Variants in LSAMP observed in about 807,000 individuals in gnomAD.
The protein encoded by LSAMP is limbic system associated membrane protein, also known as limbic system-associated membrane protein.
Under a neutral mutation model 38.6 loss-of-function variants are expected in LSAMP, and 7 were observed. That is an observed-to-expected ratio of 0.18 (90% CI 0.10 to 0.34). LSAMP has a LOEUF of 0.34. Among genes scored for constraint, LSAMP ranks in the 10% least tolerant of loss-of-function variants. LSAMP has a pLI of 1.00. For synonymous variants in LSAMP, 154 were observed against 166.8 expected, an observed-to-expected ratio of 0.92 and a Z score of 0.59; for missense variants, 313 against 420.0, an observed-to-expected ratio of 0.75 and a Z score of 2.23.
intron 1 of LSAMP, among the ~76,000 whole-genome samples, chr3:116,231,444 G>T (rs1300581270): frequency 1.3e-5 from 2 of 152,130 alleles, no homozygotes; most frequent in Non-Finnish European, 2.9e-5. Flanking sequence ...TAGCACAATG[G>T]CTAGGGATCT....
intron 2 of LSAMP, among the ~76,000 whole-genome samples, chr3:116,073,398 G>T (rs1483597725): frequency 3.3e-5 from 5 of 152,100 alleles, no homozygotes; most frequent in Admixed American, 6.5e-5. Flanking sequence ...GGCTATTTGG[G>T]CTCTTTTTTT....
intron 6 of LSAMP, among the ~76,000 whole-genome samples, chr3:115,821,147 C>A (rs1320458815): frequency 6.6e-6 from 1 of 152,112 alleles, no homozygotes; most frequent in Non-Finnish European, 1.5e-5. Flanking sequence ...CCCCTCCCTC[C>A]ATCCACATCT....
intron 1 of LSAMP, among the ~76,000 whole-genome samples, chr3:116,283,608 G>T (rs932020987): frequency 6.6e-6 from 1 of 152,072 alleles, no homozygotes; most frequent in African/African-American, 2.4e-5. Context: ...CTGGTCAAGG[G>T]CATAAGAGAA....
intron 1 of LSAMP, among the ~76,000 whole-genome samples, chr3:116,170,641 A>G (rs1002403156): frequency 3.3e-5 from 5 of 152,158 alleles, no homozygotes; most frequent in Non-Finnish European, 7.3e-5. Context: ...GGGTATAATA[A>G]CAACGATTTT....
At chr3:116,204,363 C>G (rs1197900374) in intron 1 of LSAMP, among the ~76,000 whole-genome samples, 1 of 152,110 alleles carries the variant, frequency 6.6e-6, no homozygotes, top group Non-Finnish European at 1.5e-5. Context: ...CCTGTTCACT[C>G]TGATGGTAGT....
intron 3 of LSAMP, among the ~76,000 whole-genome samples, chr3:115,964,969 G>C (rs1057507867): frequency 6.6e-6 from 1 of 151,948 alleles, no homozygotes; most frequent in African/African-American, 2.4e-5. Flanking sequence ...TTCTCAAATT[G>C]ACCAACAGAT....
chr3:116,096,708 A>G (rs1708233647), intron 1 of LSAMP, among the ~76,000 whole-genome samples: 1 of 152,220 alleles, frequency 6.6e-6, no homozygotes, highest in Admixed American at 6.5e-5. Context: ...GATAGCTGAA[A>G]TAGAGGCCCA....
intron 3 of LSAMP, among the ~76,000 whole-genome samples, chr3:115,894,399 C>A (rs1405247371): frequency 1.3e-5 from 2 of 151,982 alleles, no homozygotes; most frequent in African/African-American, 4.8e-5. Flanking sequence ...TGGCCCAAGA[C>A]CCTCGGTACT....
At chr3:116,103,482 A>AAAAAAAG (rs1559743506) in intron 1 of LSAMP, among the ~76,000 whole-genome samples, 2 of 150,166 alleles carry the variant, frequency 1.3e-5, no homozygotes, top group African/African-American at 4.9e-5. Context: ...AAAAAAAAAA[A>AAAAAAAG]AAAAAAGAAA....
intron 1 of LSAMP, among the ~76,000 whole-genome samples, chr3:116,163,538 G>A (rs956513277): frequency 4.6e-5 from 7 of 151,548 alleles, no homozygotes; most frequent in African/African-American, 9.7e-5. Context: ...ATAAACATAC[G>A]TGTGCATGTG....
intron 3 of LSAMP, among the ~76,000 whole-genome samples, chr3:115,886,019 G>C (rs1003144821): frequency 2.0e-5 from 3 of 151,944 alleles, no homozygotes; most frequent in African/African-American, 7.2e-5. Context: ...TATTGTTTGA[G>C]AGCACAGATT....
At chr3:116,156,809 T>A (rs756027468) in intron 1 of LSAMP, among the ~76,000 whole-genome samples, 3 of 151,938 alleles carry the variant, frequency 2.0e-5, no homozygotes, top group Non-Finnish European at 4.4e-5. Flanking sequence ...AAAAGAAGGC[T>A]CTGGAAAAAT....
At chr3:116,427,400 G>A (rs2049215984) in intron 1 of LSAMP, among the ~76,000 whole-genome samples, 2 of 152,084 alleles carry the variant, frequency 1.3e-5, no homozygotes, top group South Asian at 4.2e-4. Context: ...GATTACAGGC[G>A]TGAGCCACCG....
chr3:116,086,454 C>T lies in LSAMP; in HGVS notation c.258G>A (p.Leu86=), dbSNP rs1478510283. Residue 86 remains leucine, a synonymous_variant, in exon 2 of 7, where the codon CTG becomes CTA. Coordinates refer to ENST00000490035, the MANE Select transcript of LSAMP (RefSeq NM_002338.5). ...DKWSLDPRVE[L]EKRHSLEYSL... is the part of the protein sequence containing the mutation. ...TGTATTCCAGAGAATGGCGTTTCTCCAGCTCAACCCGTGGGTCCAGAGACC... is the reference window on the plus strand; with the variant it reads ...TGTATTCCAGAGAATGGCGTTTCTCTAGCTCAACCCGTGGGTCCAGAGACC... The T allele has an allele frequency of 6.2e-7, 1 of 1,613,980 alleles. No homozygotes were observed. The highest frequency in any genetic ancestry group is 1.3e-5 in the African/African-American group (1 of 74,896).
At chr3:115,952,488 G>A (rs776125970) in intron 3 of LSAMP, among the ~76,000 whole-genome samples, 1 of 152,204 alleles carries the variant, frequency 6.6e-6, no homozygotes, top group Non-Finnish European at 1.5e-5. Context: ...AATATCATAT[G>A]TACTCACTCA....
intron 1 of LSAMP, among the ~76,000 whole-genome samples, chr3:116,403,521 T>C (rs1330408758): frequency 6.6e-6 from 1 of 152,144 alleles, no homozygotes; most frequent in Admixed American, 6.5e-5. Context: ...GGTAGAAATT[T>C]AACAAATCTA....
intron 1 of LSAMP, among the ~76,000 whole-genome samples, chr3:116,347,090 T>C (rs2048073174): frequency 6.6e-6 from 1 of 152,230 alleles, no homozygotes; most frequent in African/African-American, 2.4e-5. Context: ...AGAGTGTTGC[T>C]GGAACAATAT....
chr3:116,198,359 T>C (rs1054899417), intron 1 of LSAMP, among the ~76,000 whole-genome samples: 1 of 152,098 alleles, frequency 6.6e-6, no homozygotes, highest in African/African-American at 2.4e-5. Context: ...CAGTTTCAAG[T>C]GTTAGTGAGT....
intron 3 of LSAMP, among the ~76,000 whole-genome samples, chr3:116,019,211 C>A (rs1940569504): frequency 6.8e-6 from 1 of 147,942 alleles, no homozygotes. Context: ...AGATAGATCT[C>A]TTGATAGATA....
Sources: allele counts gnomAD v4.1 joint callset (sites outside exome capture counted in the v4.1 genomes callset), GRCh38; gene constraint gnomAD v4.1.1; transcripts MANE v1.5; gene names NCBI Gene and HGNC (gene_info 2026-07-23, HGNC 2026-07-21).